The following RBFOX1 variants were observed in gnomAD, a reference collection of about 807,000 sequenced individuals.
RBFOX1 encodes RNA binding protein fox-1 homolog 1.
A neutral mutation model predicts 57.7 loss-of-function variants in RBFOX1; 8 were observed. The ratio of observed to expected loss-of-function variants is 0.14; its 90% CI spans 0.08 to 0.25. The LOEUF (loss-of-function observed/expected upper bound fraction) is 0.25, where lower values mean the gene tolerates loss of function less well. Among genes scored for constraint, RBFOX1 ranks in the 10% least tolerant of loss-of-function variants. The pLI is 1.00. For synonymous variants in RBFOX1, 326 were observed against 222.4 expected (o/e 1.47, Z -4.15); for missense variants, 611 against 548.5 (o/e 1.11, Z -1.14).
At chr16:6,681,698 A>G (rs540652762) in intron 3 of RBFOX1, among the ~76,000 whole-genome samples, 54 of 152,140 alleles carry the variant, frequency 3.5e-4, no homozygotes, top group African/African-American at 1.1e-3. Context: ...TCTTTCTCCA[A>G]TGAGTAAAAT....
At chr16:5,962,862 T>C (rs1044707194) in intron 4 of RBFOX1, among the ~76,000 whole-genome samples, 3 of 150,358 alleles carry the variant, frequency 2.0e-5, no homozygotes, top group African/African-American at 7.4e-5. Flanking sequence ...ATGGTGAGTA[T>C]GTCGCCTTGA....
At chr16:6,554,780 A>C (rs2097064376) in intron 2 of RBFOX1, among the ~76,000 whole-genome samples, 1 of 146,594 alleles carries the variant, frequency 6.8e-6, no homozygotes, top group Non-Finnish European at 1.5e-5. Context: ...AAAGGTACAC[A>C]GACACACACA....
chr16:6,675,285 A>T (rs1199499336), intron 3 of RBFOX1, among the ~76,000 whole-genome samples: 2 of 152,140 alleles, frequency 1.3e-5, no homozygotes, highest in Non-Finnish European at 2.9e-5. Context: ...CATGTCTGAA[A>T]ATCGAGGGAT....
At chr16:7,462,957 G>T (rs543714740) in intron 4 of RBFOX1, among the ~76,000 whole-genome samples, 2 of 152,284 alleles carry the variant, frequency 1.3e-5, no homozygotes, top group South Asian at 4.1e-4. Flanking sequence ...CTGATCTCAA[G>T]ATCTGTAACT....
intron 2 of RBFOX1, among the ~76,000 whole-genome samples, chr16:6,536,443 A>T (rs1012987899): frequency 1.3e-5 from 2 of 152,234 alleles, no homozygotes; most frequent in African/African-American, 4.8e-5. Flanking sequence ...GTTAATGCAT[A>T]ATATGATATG....
intron 4 of RBFOX1, among the ~76,000 whole-genome samples, chr16:7,342,582 G>T (rs1043405483): frequency 2.0e-5 from 3 of 152,172 alleles, no homozygotes; most frequent in African/African-American, 7.2e-5. Context: ...GTTGGGAAAG[G>T]AGAATGTTTA....
intron 3 of RBFOX1, among the ~76,000 whole-genome samples, chr16:5,843,060 C>T (rs1398215292): frequency 2.6e-5 from 4 of 152,128 alleles, no homozygotes; most frequent in Non-Finnish European, 5.9e-5. Context: ...AACTCCTGAC[C>T]TCGTGATTCA....
At chr16:6,485,922 G>C (rs1185394561) in intron 2 of RBFOX1, among the ~76,000 whole-genome samples, 1 of 151,866 alleles carries the variant, frequency 6.6e-6, no homozygotes, top group African/African-American at 2.4e-5. Flanking sequence ...GCTGACTTAT[G>C]GGCCAGGTAA....
intron 3 of RBFOX1, among the ~76,000 whole-genome samples, chr16:7,017,205 T>G (rs1422930267): frequency 1.3e-5 from 2 of 152,150 alleles, no homozygotes; most frequent in Non-Finnish European, 2.9e-5. Context: ...GTTGGCGAAG[T>G]TTCCCTTCAG....
At chr16:6,327,824 A>G (rs2082551833) in intron 2 of RBFOX1, among the ~76,000 whole-genome samples, 2 of 152,168 alleles carry the variant, frequency 1.3e-5, no homozygotes, top group East Asian at 3.9e-4. Flanking sequence ...ATTTCTTGAC[A>G]AAGGTTAGGA....
intron 4 of RBFOX1, among the ~76,000 whole-genome samples, chr16:7,057,493 A>G (rs1490511886): frequency 1.3e-5 from 2 of 152,140 alleles, no homozygotes; most frequent in Non-Finnish European, 2.9e-5. Context: ...CCTAAGATGT[A>G]TGTTGCATCG....
At chr16:6,134,561 A>G (rs929970634) in intron 1 of RBFOX1, among the ~76,000 whole-genome samples, 2 of 152,136 alleles carry the variant, frequency 1.3e-5, no homozygotes, top group Admixed American at 1.3e-4. Context: ...CAAAGACATG[A>G]CATTAGTTCT....
At chr16:6,945,561 C>G (rs905362356) in intron 3 of RBFOX1, among the ~76,000 whole-genome samples, 2 of 151,982 alleles carry the variant, frequency 1.3e-5, no homozygotes, top group Non-Finnish European at 2.9e-5. Flanking sequence ...CATGGGCAAC[C>G]AGTTTGCATC....
At chr16:5,862,040 C>T (rs1259293531) in intron 3 of RBFOX1, among the ~76,000 whole-genome samples, 1 of 152,100 alleles carries the variant, frequency 6.6e-6, no homozygotes, top group Admixed American at 6.5e-5. Flanking sequence ...TGTGTCTGGC[C>T]GAGGTGTCCT....
chr16:5,545,773 T>C (rs2045171624), intron 2 of RBFOX1, among the ~76,000 whole-genome samples: 1 of 152,202 alleles, frequency 6.6e-6, no homozygotes, highest in African/African-American at 2.4e-5. Context: ...CTGCTTAAGA[T>C]CGGGAACAAG....
At chr16:7,245,932 C>G (rs1392345765) in intron 4 of RBFOX1, among the ~76,000 whole-genome samples, 1 of 152,126 alleles carries the variant, frequency 6.6e-6, no homozygotes, top group Admixed American at 6.5e-5. Context: ...CAGCTTGAAA[C>G]AGTTCAACAA....
At chr16:7,394,469 C>T (rs926633974) in intron 4 of RBFOX1, among the ~76,000 whole-genome samples, 2 of 152,012 alleles carry the variant, frequency 1.3e-5, no homozygotes, top group Admixed American at 6.5e-5. Context: ...AAGGAAACCT[C>T]GAAAGGGTTG....
chr16:7,182,371 T>A (rs1275093345), intron 4 of RBFOX1, among the ~76,000 whole-genome samples: 1 of 152,166 alleles, frequency 6.6e-6, no homozygotes, highest in Non-Finnish European at 1.5e-5. Flanking sequence ...TGAAGCCCCC[T>A]CTCTTCATGA....
intron 2 of RBFOX1, among the ~76,000 whole-genome samples, chr16:6,351,393 G>A (rs983399688): frequency 1.9e-5 from 2 of 106,396 alleles, no homozygotes; most frequent in African/African-American, 8.9e-5. Context: ...TTTTTCTTGA[G>A]GCAGAGTTTT....
Sources: gnomAD v4.1 joint callset for allele counts (sites outside exome capture counted in the v4.1 genomes callset) on GRCh38, gnomAD v4.1.1 for gene constraint, MANE v1.5 for transcripts, NCBI Gene and HGNC (gene_info 2026-07-23, HGNC 2026-07-21) for gene names.